The following FAM167A variants were observed in gnomAD, a reference collection of about 807,000 sequenced individuals.
The protein encoded by FAM167A is family with sequence similarity 167 member A.
FAM167A carries 23 observed loss-of-function variants against 14.9 expected under a neutral mutation model. The observed-to-expected ratio is 1.55, with a 90% CI of 1.11 to 2.19. The LOEUF is 2.19. FAM167A is among the 30% of genes most tolerant of loss of function. The probability of loss-of-function intolerance (pLI) is 0.00; values close to 1 mark genes in which losing one functional copy is unlikely to be tolerated. For synonymous variants in FAM167A, 174 were observed against 117.7 expected (o/e 1.48, Z -3.10); for missense variants, 401 against 281.5 (o/e 1.42, Z -3.04).
In FAM167A at chr8:11,421,632, G is replaced by C. The variant is rs997449677; in HGVS notation, c.*2741C>G. 2.5e-6 allele frequency: 1 copy of C among 398,282 alleles called. No homozygotes were observed. Among genetic ancestry groups the C allele is most frequent in the African/African-American group, 2.1e-5 (1 of 48,562 alleles). The allele number at this position is 398,282 out of a possible 1,614,324, so 24.7% of individuals were successfully genotyped here. On this transcript the variant is annotated 3_prime_UTR_variant, in exon 3 of 3. Transcript: ENST00000284486. ...GCTACAGGGTGTGGGTCTTGAACTC[G>C]GTCAGGCATCGTCAAGCCTGCCCAG... is the stretch of plus-strand genomic sequence containing the variant.
chr8:11,439,611 G>A (rs977798452), intron 2 of FAM167A, among the ~76,000 whole-genome samples: 5 of 152,216 alleles, frequency 3.3e-5, no homozygotes, highest in Non-Finnish European at 5.9e-5. Context: ...GGTGCGGGGG[G>A]AGGGAGGAGA....
chr8:11,471,395 G>A (rs1237144727), upstream of FAM167A, among the ~76,000 whole-genome samples: 2 of 152,126 alleles, frequency 1.3e-5, no homozygotes, highest in Admixed American at 6.5e-5. Flanking sequence ...GTTGAGACAG[G>A]AGGCCCACAC....
At chr8:11,455,723 G>A (rs1807229941) in intron 1 of FAM167A, among the ~76,000 whole-genome samples, 1 of 149,550 alleles carries the variant, frequency 6.7e-6, no homozygotes, top group Non-Finnish European at 1.5e-5. Context: ...GTATGAGTGT[G>A]TGAGTGTCGG....
intron 2 of FAM167A, among the ~76,000 whole-genome samples, chr8:11,427,904 G>C (rs987001259): frequency 3.3e-5 from 5 of 152,122 alleles, no homozygotes; most frequent in African/African-American, 9.7e-5. Context: ...AATGATGATA[G>C]GGTGGCTGGT....
intron 1 of FAM167A, among the ~76,000 whole-genome samples, chr8:11,464,783 G>A (rs545112040): frequency 1.3e-5 from 2 of 152,310 alleles, no homozygotes; most frequent in South Asian, 4.1e-4. Flanking sequence ...GATTTGCCTA[G>A]AGAACACAGC....
At chr8:11,432,337 A>G (rs1394914036) in intron 2 of FAM167A, among the ~76,000 whole-genome samples, 1 of 152,242 alleles carries the variant, frequency 6.6e-6, no homozygotes, top group Non-Finnish European at 1.5e-5. Context: ...ACAAAGGGCT[A>G]ATATCCAGAA....
chr8:11,470,218 G>A (rs1418310965), upstream of FAM167A, among the ~76,000 whole-genome samples: 8 of 151,942 alleles, frequency 5.3e-5, no homozygotes, highest in East Asian at 9.7e-4. Context: ...GAGTGTGCAC[G>A]TTTTCAGGCA....
At chr8:11,447,174 GTTTCT>G (rs1563379347) in intron 1 of FAM167A, among the ~76,000 whole-genome samples, 1 of 108,114 alleles carries the variant, frequency 9.2e-6, no homozygotes, top group Non-Finnish European at 1.9e-5. Context: ...TCAATTATTG[GTTTCT>G]TTTCTTTTTC....
intron 2 of FAM167A, among the ~76,000 whole-genome samples, chr8:11,436,128 A>C (rs1211956984): frequency 1.3e-5 from 2 of 152,168 alleles, no homozygotes; most frequent in African/African-American, 4.8e-5. Flanking sequence ...GTCACCAAGC[A>C]TGGTCCGGGG....
chr8:11,444,854 C>A, intron 1 of FAM167A, 46 bp from the exon 2 acceptor site: 2 of 989,364 alleles, frequency 2.0e-6, no homozygotes, highest in Non-Finnish European at 2.4e-6. Flanking sequence ...CCTGCCCTGC[C>A]ACTCAGAGGC....
chr8:11,431,327 G>T lies in FAM167A; in HGVS notation c.382-6691C>A, dbSNP rs528991578. Reference sequence around the variant, plus strand: ...TACCGTAGGATTCCACTTAGAAGAGGTTCCTAGCGTAGTCCAATTCATAGT... The same window carrying T: ...TACCGTAGGATTCCACTTAGAAGAGTTTCCTAGCGTAGTCCAATTCATAGT... On this transcript the variant is annotated intron_variant, in intron 2 of 2. Coordinates refer to ENST00000284486, the MANE Select transcript of FAM167A (RefSeq NM_053279.3). Among the ~76,000 whole-genome samples, 68 of 152,350 alleles carry T rather than the reference G, an allele frequency of 4.5e-4. 1 individual carries two copies. Among genetic ancestry groups the T allele is most frequent in the South Asian group, 1.0e-3 (5 of 4,826 alleles).
chr8:11,463,663 G>C (rs957671047), intron 1 of FAM167A, among the ~76,000 whole-genome samples: 1 of 152,212 alleles, frequency 6.6e-6, no homozygotes, highest in Non-Finnish European at 1.5e-5. Context: ...CTGCGAGGGA[G>C]CCCTTGGGCA....
intron 1 of FAM167A, among the ~76,000 whole-genome samples, chr8:11,463,284 C>T (rs926137513): frequency 1.3e-5 from 2 of 152,222 alleles, no homozygotes; most frequent in East Asian, 3.8e-4. Context: ...GGTCAGTTCA[C>T]GCCTGGCATG....
intron 1 of FAM167A, among the ~76,000 whole-genome samples, chr8:11,457,973 G>A (rs1443378194): frequency 1.3e-5 from 2 of 152,330 alleles, no homozygotes; most frequent in East Asian, 3.9e-4. Context: ...CCCGAGCACA[G>A]GGCCCTGTAA....
intron 1 of FAM167A, among the ~76,000 whole-genome samples, chr8:11,458,699 G>A (rs943793333): frequency 6.6e-6 from 1 of 152,162 alleles, no homozygotes; most frequent in African/African-American, 2.4e-5. Context: ...GCTCAGCTGG[G>A]AGGATATAAG....
chr8:11,442,699 C>T (rs1032877719), intron 2 of FAM167A, among the ~76,000 whole-genome samples: 1 of 152,032 alleles, frequency 6.6e-6, no homozygotes, highest in African/African-American at 2.4e-5. Flanking sequence ...TTATACCCCC[C>T]ACCAAGAGCA....
At chr8:11,445,530 C>G (rs556080069) in intron 1 of FAM167A, 3 of 985,546 alleles carry the variant, frequency 3.0e-6, no homozygotes, top group Non-Finnish European at 3.6e-6. Context: ...TGTTCTAGAA[C>G]GAGGCTTCTC....
At chr8:11,457,683 C>G (rs1807387966) in intron 1 of FAM167A, among the ~76,000 whole-genome samples, 1 of 152,188 alleles carries the variant, frequency 6.6e-6, no homozygotes, top group African/African-American at 2.4e-5. Context: ...AGAGGACTTT[C>G]TGGGCAGTCC....
chr8:11,443,303 C>T (rs770736466), intron 2 of FAM167A, among the ~76,000 whole-genome samples: 2 of 152,226 alleles, frequency 1.3e-5, no homozygotes, highest in Admixed American at 6.5e-5. Context: ...ACAAAAGATG[C>T]TCCTATTGGG....
Sources: gnomAD v4.1 joint callset for allele counts (sites outside exome capture counted in the v4.1 genomes callset) on GRCh38, gnomAD v4.1.1 for gene constraint, MANE v1.5 for transcripts, NCBI Gene and HGNC (gene_info 2026-07-23, HGNC 2026-07-21) for gene names.